Variants in HTRA1 observed in about 807,000 individuals in gnomAD.
HTRA1 encodes HtrA serine peptidase 1.
A neutral mutation model predicts 49.7 loss-of-function variants in HTRA1; 26 were observed. That is an observed-to-expected ratio of 0.52 (90% CI 0.38 to 0.73). HTRA1 has a LOEUF of 0.73. Among genes scored for constraint, HTRA1 ranks in the 30% least tolerant of loss-of-function variants. The pLI is 0.00. For missense variants in HTRA1, 561 were observed against 667.2 expected (o/e 0.84, Z 1.75); for synonymous variants, 291 against 286.9 (o/e 1.01, Z -0.14).
intron 8 of HTRA1, 34 bp downstream of exon 8, chr10:122,512,099 T>G: frequency 2.1e-6 from 3 of 1,451,466 alleles, no homozygotes; most frequent in Non-Finnish European, 2.9e-6. Context: ...TTCCCAATAT[T>G]CTTGTTGTTC....
intron 3 of HTRA1, among the ~76,000 whole-genome samples, chr10:122,500,147 G>T (rs1448822987): frequency 6.6e-6 from 1 of 152,194 alleles, no homozygotes; most frequent in Non-Finnish European, 1.5e-5. Flanking sequence ...CTGAATGGAA[G>T]GAAGCTGAAA....
intron 1 of HTRA1, among the ~76,000 whole-genome samples, chr10:122,476,658 T>C (rs2097488617): frequency 6.6e-6 from 1 of 152,202 alleles, no homozygotes; most frequent in Non-Finnish European, 1.5e-5. Context: ...GCATTCTCTC[T>C]GCTTTGTCTC....
chr10:122,482,105 A>G (rs941819174), intron 1 of HTRA1, among the ~76,000 whole-genome samples: 1 of 152,174 alleles, frequency 6.6e-6, no homozygotes, highest in African/African-American at 2.4e-5. Flanking sequence ...AGGCCAAACA[A>G]TTTGATAAGT....
intron 1 of HTRA1, among the ~76,000 whole-genome samples, 163 bp from the exon 2 acceptor site, chr10:122,488,739 T>TG (rs1018013316): frequency 2.0e-4 from 31 of 152,088 alleles, no homozygotes; most frequent in African/African-American, 7.5e-4. Context: ...CCTTGGGAGG[T>TG]GGATGGACAT....
chr10:122,502,249 T>G (rs1344362288), intron 3 of HTRA1, among the ~76,000 whole-genome samples: 1 of 152,172 alleles, frequency 6.6e-6, no homozygotes, highest in Admixed American at 6.5e-5. Context: ...CACTGAATGG[T>G]TGTTGAGAGA....
At chr10:122,505,013 T>G (rs1031517272) in intron 3 of HTRA1, among the ~76,000 whole-genome samples, 1 of 152,220 alleles carries the variant, frequency 6.6e-6, no homozygotes, top group Admixed American at 6.5e-5. Flanking sequence ...GCTGTTGGAT[T>G]TGCACAGGCC....
chr10:122,472,270 G>A (rs1208786746), intron 1 of HTRA1, among the ~76,000 whole-genome samples: 1 of 151,540 alleles, frequency 6.6e-6, no homozygotes, highest in Non-Finnish European at 1.5e-5. Context: ...TACTATCTCA[G>A]TTGTTTAAAA....
In HTRA1 at chr10:122,506,728, A is replaced by G. The variant is rs376830136; in HGVS notation, c.815A>G (p.Glu272Gly). 1 of 1,613,582 alleles carries G rather than the reference A, an allele frequency of 6.2e-7. No homozygotes were observed. Among genetic ancestry groups the G allele is most frequent in the African/African-American group, 1.3e-5 (1 of 75,006 alleles). Reference sequence around the variant, plus strand: ...GTCCTGCTGCTTGGCCGCTCCTCAGAGCTGCGGCCGGGAGAGTTCGTGGTC... The same window carrying G: ...GTCCTGCTGCTTGGCCGCTCCTCAGGGCTGCGGCCGGGAGAGTTCGTGGTC... ...LPVLLLGRSS[E>G]LRPGEFVVAI... Residue 272 changes from glutamate (E) to glycine (G), a missense_variant, in exon 4 of 9, where the codon GAG becomes GGG. Glu to Gly is a moderately conservative substitution (Grantham distance 98). Coordinates refer to ENST00000368984, the MANE Select transcript of HTRA1 (RefSeq NM_002775.5). This position sits in a 1 kb window ranked among gnomAD's most constrained non-coding sequence, Gnocchi z 5.2.
At chr10:122,512,193 A>G in intron 8 of HTRA1, 128 bp downstream of exon 8, 1 of 785,302 alleles carries the variant, frequency 1.3e-6, no homozygotes, top group Admixed American at 1.9e-5. Context: ...ACGTGGTCGG[A>G]CGTTGCTTGT....
At chr10:122,509,419 C>A (rs545482988) in intron 6 of HTRA1, among the ~76,000 whole-genome samples, 1 of 152,080 alleles carries the variant, frequency 6.6e-6, no homozygotes, top group African/African-American at 2.4e-5. Context: ...GAGGAACCAG[C>A]GGGCAGGGAT....
At chr10:122,472,347 C>G (rs2097486493) in intron 1 of HTRA1, among the ~76,000 whole-genome samples, 1 of 147,624 alleles carries the variant, frequency 6.8e-6, no homozygotes, top group Non-Finnish European at 1.5e-5. Context: ...ATCATCTCCC[C>G]AGAAATATCA....
Position 122,489,011 on chromosome 10 carries a change from G to A in HTRA1, c.572+10G>A. The A allele has an allele frequency of 1.2e-6, 2 of 1,600,888 alleles. No homozygotes were observed. The highest frequency in any genetic ancestry group is 1.1e-5 in the South Asian group (1 of 90,844). ...TCGAATTGTTTCGCAAGTAAAGAGA[G>A]CCTTCCTTTTTCCTATAACCTCCGA... is the stretch of plus-strand genomic sequence containing the variant. On this transcript the variant is annotated intron_variant, in intron 2 of 8. Transcript: ENST00000368984.
At chr10:122,504,661 C>T (rs1340397658) in intron 3 of HTRA1, among the ~76,000 whole-genome samples, 1 of 152,200 alleles carries the variant, frequency 6.6e-6, no homozygotes, top group African/African-American at 2.4e-5. Flanking sequence ...CCCTGGTGGA[C>T]CTCCCCTGGT....
At chr10:122,465,670 G>A (rs1192598986) in intron 1 of HTRA1, among the ~76,000 whole-genome samples, 1 of 152,228 alleles carries the variant, frequency 6.6e-6, no homozygotes, top group Non-Finnish European at 1.5e-5. Context: ...TGCAGGCTCA[G>A]GAGCCTGAAG....
At chr10:122,508,841 G>T (rs1177525564) in intron 6 of HTRA1, 71 bp downstream of exon 6, 13 of 945,034 alleles carry the variant, frequency 1.4e-5, no homozygotes, top group Middle Eastern at 2.2e-4. Flanking sequence ...TTTGGGACTT[G>T]GGGAAGGGAA....
At chr10:122,497,967 A>C (rs1245784820) in intron 3 of HTRA1, among the ~76,000 whole-genome samples, 2 of 152,228 alleles carry the variant, frequency 1.3e-5, no homozygotes, top group Non-Finnish European at 2.9e-5. Context: ...TACAGTCATT[A>C]GCTGTCGGGC....
intron 3 of HTRA1, among the ~76,000 whole-genome samples, chr10:122,498,115 T>C (rs963205388): frequency 2.0e-5 from 3 of 151,600 alleles, no homozygotes; most frequent in Admixed American, 6.6e-5. Flanking sequence ...GGAAAGTCTT[T>C]TCATTTTTTT....
intron 1 of HTRA1, among the ~76,000 whole-genome samples, chr10:122,465,724 A>C (rs2097483506): frequency 6.6e-6 from 1 of 152,202 alleles, no homozygotes; most frequent in Non-Finnish European, 1.5e-5. Context: ...CTCACTAAAG[A>C]AAAGCAAAAA....
Position 122,496,225 on chromosome 10 carries a change from GTTCTTTTT to G in HTRA1, c.777+6602_777+6609del, listed in dbSNP as rs1420343034. 2.0e-3 allele frequency among the ~76,000 whole-genome samples: 158 copies of G among 80,390 alleles called. 19 individuals are homozygous for G. The highest frequency in any genetic ancestry group is 2.3e-3 in the African/African-American group (46 of 19,654). 52.7% of individuals were successfully genotyped at this position (80,390 alleles called of 152,430 possible). On this transcript the variant is annotated intron_variant, in intron 3 of 8. Coordinates refer to ENST00000368984, the MANE Select transcript of HTRA1 (RefSeq NM_002775.5). ...CCCTTTCGTTTGCCAGAGATTGTGG[GTTCTTTTT>G]TTTTTTTTTTTTTTTTTTTTTTTTT...
Sources: allele counts gnomAD v4.1 joint callset (sites outside exome capture counted in the v4.1 genomes callset), GRCh38; gene constraint gnomAD v4.1.1; non-coding constraint Gnocchi (gnomAD v3.1); transcripts MANE v1.5; gene names NCBI Gene and HGNC (gene_info 2026-07-23, HGNC 2026-07-21).